ANGPT1: variants seen among roughly 807,000 people sequenced by gnomAD.
The protein encoded by ANGPT1 is angiopoietin 1.
A neutral mutation model predicts 62.2 loss-of-function variants in ANGPT1; 17 were observed. The ratio of observed to expected loss-of-function variants is 0.27; its 90% CI spans 0.19 to 0.41. The LOEUF (loss-of-function observed/expected upper bound fraction) is 0.41. Ranked by LOEUF, ANGPT1 falls within the 10% of genes least tolerant of loss-of-function variation. The pLI is 1.00. For synonymous variants in ANGPT1, 199 were observed against 198.9 expected, an observed-to-expected ratio of 1.00 and a Z score of 0.00; for missense variants, 478 against 594.9, an observed-to-expected ratio of 0.80 and a Z score of 2.04.
chr8:107,280,064 G>A (rs1474454510), intron 7 of ANGPT1, among the ~76,000 whole-genome samples: 1 of 152,074 alleles, frequency 6.6e-6, no homozygotes, highest in Admixed American at 6.5e-5. Flanking sequence ...AATCTGAAGT[G>A]GAATTTTGGA....
At chr8:107,420,180 C>T (rs753875651) in intron 1 of ANGPT1, among the ~76,000 whole-genome samples, 5 of 152,056 alleles carry the variant, frequency 3.3e-5, no homozygotes, top group Admixed American at 6.6e-5. Context: ...TGACTTGCAA[C>T]CTGAAAACTA....
chr8:107,327,613 T>C (rs1815319373), intron 3 of ANGPT1, among the ~76,000 whole-genome samples: 1 of 152,096 alleles, frequency 6.6e-6, no homozygotes, highest in African/African-American at 2.4e-5. Context: ...TCTTTTAGGA[T>C]TAGGGTTCCA....
At chr8:107,299,457 C>G (rs1404381133) in intron 5 of ANGPT1, among the ~76,000 whole-genome samples, 1 of 134,782 alleles carries the variant, frequency 7.4e-6, no homozygotes, top group African/African-American at 2.7e-5. Flanking sequence ...TATATATACA[C>G]TAAGCATATA....
intron 2 of ANGPT1, among the ~76,000 whole-genome samples, chr8:107,345,477 C>T (rs1355125623): frequency 6.6e-6 from 1 of 152,052 alleles, no homozygotes; most frequent in East Asian, 1.9e-4. Flanking sequence ...CAACCCAAGA[C>T]ACAGTGTTTT....
rs368911116 is a variant in ANGPT1 at position 107,377,129 on chromosome 8, C to A, written c.298-30032G>T. The stretch of plus-strand genomic sequence containing the variant: ...TAGCCTTACATAAATAAATAAAGGG[C>A]CATTTGTTTCATTTCACTTCAATAC... On this transcript the variant is annotated intron_variant, in intron 1 of 8. Coordinates refer to ENST00000517746, the MANE Select transcript of ANGPT1 (RefSeq NM_001146.5). 3.3e-5 allele frequency among the ~76,000 whole-genome samples: 5 copies of A among 152,060 alleles called. No homozygotes were observed. The East Asian group carries it at 9.6e-4, about 29-fold the overall frequency.
intron 1 of ANGPT1, among the ~76,000 whole-genome samples, chr8:107,436,880 T>G (rs1012893044): frequency 6.6e-6 from 1 of 152,196 alleles, no homozygotes; most frequent in African/African-American, 2.4e-5. Context: ...AATCAACAAC[T>G]TATTTGTATA....
chr8:107,289,877 C>T (rs990113279), intron 6 of ANGPT1, among the ~76,000 whole-genome samples: 1 of 152,034 alleles, frequency 6.6e-6, no homozygotes, highest in Admixed American at 6.6e-5. Flanking sequence ...AGCCTCATTG[C>T]GTTTTATATG....
intron 8 of ANGPT1, among the ~76,000 whole-genome samples, chr8:107,259,857 A>T (rs1279332833): frequency 6.6e-6 from 1 of 152,100 alleles, no homozygotes; most frequent in Non-Finnish European, 1.5e-5. Context: ...TGAATGTGAC[A>T]ATCTAGTAAC....
intron 1 of ANGPT1, among the ~76,000 whole-genome samples, chr8:107,420,071 G>A (rs1255678634): frequency 6.6e-6 from 1 of 152,164 alleles, no homozygotes; most frequent in African/African-American, 2.4e-5. Flanking sequence ...ATACCATGAA[G>A]CTTTTACAGA....
At chr8:107,472,894 G>C (rs141361795) in intron 1 of ANGPT1, among the ~76,000 whole-genome samples, 2 of 152,002 alleles carry the variant, frequency 1.3e-5, no homozygotes, top group African/African-American at 2.4e-5. Context: ...GAAGAAAAGT[G>C]TTGGCTAATT....
At chr8:107,332,273 CA>C (rs1815440894) in intron 3 of ANGPT1, among the ~76,000 whole-genome samples, 1 of 152,066 alleles carries the variant, frequency 6.6e-6, no homozygotes, top group African/African-American at 2.4e-5. Context: ...TGTGTAATTC[CA>C]ATTATATGGT....
intron 1 of ANGPT1, among the ~76,000 whole-genome samples, chr8:107,448,584 T>G (rs1294449411): frequency 6.6e-6 from 1 of 152,106 alleles, no homozygotes; most frequent in Non-Finnish European, 1.5e-5. Context: ...GAGAGGACTC[T>G]GGAGGTGGAA....
intron 1 of ANGPT1, among the ~76,000 whole-genome samples, chr8:107,387,876 T>C (rs1347142518): frequency 6.6e-6 from 1 of 152,032 alleles, no homozygotes; most frequent in Non-Finnish European, 1.5e-5. Context: ...TAAATTTCTT[T>C]GAAGTAAATA....
chr8:107,409,350 G>A (rs1166941012), intron 1 of ANGPT1, among the ~76,000 whole-genome samples: 1 of 152,128 alleles, frequency 6.6e-6, no homozygotes, highest in Non-Finnish European at 1.5e-5. Flanking sequence ...TCTTACTGCA[G>A]CTTGTCTGTT....
At chr8:107,411,353 T>C (rs1465274743) in intron 1 of ANGPT1, among the ~76,000 whole-genome samples, 6 of 152,204 alleles carry the variant, frequency 3.9e-5, no homozygotes, top group African/African-American at 1.4e-4. Context: ...GTTTGTTTGG[T>C]ACACCTTTAT....
At chr8:107,414,850 A>G (rs1414620201) in intron 1 of ANGPT1, among the ~76,000 whole-genome samples, 1 of 152,210 alleles carries the variant, frequency 6.6e-6, no homozygotes, top group East Asian at 1.9e-4. Flanking sequence ...CACTGGTTAT[A>G]AGAAGAGGTT....
intron 1 of ANGPT1, among the ~76,000 whole-genome samples, chr8:107,493,837 AATCGTCATC>A (rs1813027597): frequency 6.6e-6 from 1 of 150,468 alleles, no homozygotes; most frequent in Non-Finnish European, 1.5e-5. Flanking sequence ...GGTTTAAAAA[AATCGTCATC>A]ATCAATGTGT....
At chr8:107,433,152 A>C (rs994608381) in intron 1 of ANGPT1, among the ~76,000 whole-genome samples, 2 of 152,148 alleles carry the variant, frequency 1.3e-5, no homozygotes, top group Non-Finnish European at 2.9e-5. Context: ...GTGTGGGTAT[A>C]GGGGAAATTG....
intron 1 of ANGPT1, among the ~76,000 whole-genome samples, chr8:107,370,013 G>A (rs1354483618): frequency 5.9e-5 from 9 of 151,600 alleles, no homozygotes; most frequent in Admixed American, 5.9e-4. Flanking sequence ...GCACGCATCT[G>A]CAGTCCCAGC....
Sources: allele counts gnomAD v4.1 joint callset (sites outside exome capture counted in the v4.1 genomes callset), GRCh38; gene constraint gnomAD v4.1.1; transcripts MANE v1.5; gene names NCBI Gene and HGNC (gene_info 2026-07-23, HGNC 2026-07-21).